Variants in CHM observed in about 807,000 individuals in gnomAD.
CHM encodes the protein rab proteins geranylgeranyltransferase component A 1.
CHM carries 10 observed loss-of-function variants against 49.0 expected under a neutral mutation model. The observed-to-expected ratio is 0.20, with a 90% confidence interval of 0.13 to 0.35. CHM has a LOEUF of 0.35. Among genes scored for constraint, CHM ranks in the 10% least tolerant of loss-of-function variants. CHM has a pLI of 1.00. For missense variants in CHM, 455 were observed against 478.4 expected, an observed-to-expected ratio of 0.95 and a Z score of 0.46; for synonymous variants, 184 against 167.5, an observed-to-expected ratio of 1.10 and a Z score of -0.76.
intron 1 of CHM, among the ~76,000 whole-genome samples, chrX:86,031,764 C>T (rs1019123835): frequency 3.6e-5 from 4 of 111,557 alleles, no homozygotes; most frequent in South Asian, 7.4e-4. Context: ...CGCTTGAACC[C>T]GGAAGGCAAA....
intron 9 of CHM, among the ~76,000 whole-genome samples, chrX:85,904,679 C>T (rs1926485126): frequency 8.9e-6 from 1 of 111,796 alleles, no homozygotes; most frequent in Non-Finnish European, 1.9e-5. Context: ...CTTTCTCAAA[C>T]ACATTAGTTC....
At chrX:85,926,391 C>T (rs1433843313) in intron 8 of CHM, among the ~76,000 whole-genome samples, 1 of 111,314 alleles carries the variant, frequency 9.0e-6, no homozygotes, top group Non-Finnish European at 1.9e-5. Flanking sequence ...ATTTACCCCT[C>T]TCAAAGAACT....
At chrX:85,918,755 C>T (rs1927606044) in intron 8 of CHM, among the ~76,000 whole-genome samples, 1 of 111,797 alleles carries the variant, frequency 8.9e-6, no homozygotes, top group South Asian at 3.7e-4. Context: ...ACAAAACAGA[C>T]TTTAAGCCAA....
intron 2 of CHM, among the ~76,000 whole-genome samples, chrX:86,006,248 T>A (rs1341047681): frequency 9.0e-6 from 1 of 111,578 alleles, no homozygotes; most frequent in Non-Finnish European, 1.9e-5. Flanking sequence ...AAACTAGGTA[T>A]TGATGGAACG....
chrX:85,997,714 G>A (rs1462129610), intron 2 of CHM, among the ~76,000 whole-genome samples: 1 of 111,250 alleles, frequency 9.0e-6, no homozygotes, highest in African/African-American at 3.3e-5. Flanking sequence ...CCAGCACTTT[G>A]GCCAATGGGT....
chrX:85,887,999 A>G (rs948097853), intron 12 of CHM, among the ~76,000 whole-genome samples: 16 of 112,419 alleles, frequency 1.4e-4, no homozygotes, highest in Admixed American at 3.8e-4. Flanking sequence ...ATTGAAAAGA[A>G]AAACCTATTT....
At chrX:85,929,815 A>G (rs1928314357) in intron 8 of CHM, among the ~76,000 whole-genome samples, 1 of 111,954 alleles carries the variant, frequency 8.9e-6, no homozygotes, top group African/African-American at 3.2e-5. Flanking sequence ...GAAATTCCAT[A>G]ACCAGGCCAG....
At chrX:86,031,931 T>C (rs1934062324) in intron 1 of CHM, among the ~76,000 whole-genome samples, 1 of 112,983 alleles carries the variant, frequency 8.9e-6, no homozygotes, top group Non-Finnish European at 1.9e-5. Flanking sequence ...TGACTGCTTG[T>C]TTTGTTTAAA....
chrX:85,975,846 C>T (rs769070928), intron 4 of CHM, among the ~76,000 whole-genome samples: 20 of 112,068 alleles, frequency 1.8e-4, no homozygotes, highest in Non-Finnish European at 3.8e-4. Flanking sequence ...GCATCACTAA[C>T]ACATATGTTT....
chrX:86,034,407 G>A (rs1376779579), intron 1 of CHM, among the ~76,000 whole-genome samples: 1 of 111,642 alleles, frequency 9.0e-6, no homozygotes, highest in Non-Finnish European at 1.9e-5. Flanking sequence ...ACAAAGCAAG[G>A]TGATACAATA....
At chrX:85,897,307 G>A (rs1357336050) in intron 11 of CHM, among the ~76,000 whole-genome samples, 63 of 62,203 alleles carry the variant, frequency 1.0e-3, no homozygotes, top group African/African-American at 6.5e-3. Flanking sequence ...TTGTGTGTGC[G>A]TGTGTGTGTG....
At position 85,878,081 on chromosome X, in the gene CHM, C is replaced by T. The variant is rs540387390; in HGVS notation, c.1609+884G>A. ...TCTCCATTCACAGCTGCAAGTGCTA[C>T]CCTATTATGTAGGGGGAAAGTTTTA... On this transcript the variant is annotated intron_variant, in intron 13 of 14. Transcript: ENST00000357749. 1.3e-4 allele frequency among the ~76,000 whole-genome samples: 14 copies of T among 111,964 alleles called. No homozygotes were observed. The South Asian group carries it at 5.2e-3, about 42-fold the overall frequency.
At chrX:85,898,331 C>CA (rs1267120787) in intron 11 of CHM, among the ~76,000 whole-genome samples, 1 of 111,421 alleles carries the variant, frequency 9.0e-6, no homozygotes, top group African/African-American at 3.3e-5. Context: ...CCTCTGGTTT[C>CA]AACGTGTCTC....
chrX:86,009,038 A>G (rs1932947532), intron 2 of CHM, among the ~76,000 whole-genome samples: 1 of 112,299 alleles, frequency 8.9e-6, no homozygotes, highest in Admixed American at 9.5e-5. Context: ...ACTAATCCTC[A>G]TAGAAATGAA....
intron 1 of CHM, among the ~76,000 whole-genome samples, chrX:86,044,453 T>C: frequency 8.9e-6 from 1 of 111,759 alleles, no homozygotes; most frequent in African/African-American, 3.3e-5. Context: ...GATGAATATG[T>C]TCTAAGTGAT....
chrX:85,944,991 G>A (rs974698055), intron 8 of CHM, among the ~76,000 whole-genome samples: 3 of 111,746 alleles, frequency 2.7e-5, no homozygotes, highest in African/African-American at 9.8e-5. Context: ...GAACATGGAT[G>A]GAGTTGGAGG....
intron 11 of CHM, among the ~76,000 whole-genome samples, chrX:85,897,553 C>T (rs898434906): frequency 9.2e-6 from 1 of 108,659 alleles, no homozygotes; most frequent in African/African-American, 3.4e-5. Context: ...GACTACTGCG[C>T]GTGGTGGACA....
chrX:86,019,087 TG>T (rs999622445), intron 2 of CHM, among the ~76,000 whole-genome samples: 1 of 110,715 alleles, frequency 9.0e-6, no homozygotes, highest in African/African-American at 3.3e-5. Context: ...GGGGACAGAG[TG>T]GGTGGGGTGC....
chrX:85,896,570 T>C (rs965789231), intron 11 of CHM, among the ~76,000 whole-genome samples: 2 of 109,746 alleles, frequency 1.8e-5, no homozygotes, highest in Non-Finnish European at 3.8e-5. Flanking sequence ...CAGACACTCC[T>C]GGGAGATACA....
Sources: allele counts gnomAD v4.1 joint callset (sites outside exome capture counted in the v4.1 genomes callset), GRCh38; gene constraint gnomAD v4.1.1; transcripts MANE v1.5; gene names NCBI Gene and HGNC (gene_info 2026-07-23, HGNC 2026-07-21).